NAALADL2: variants seen among roughly 807,000 people sequenced by gnomAD.
NAALADL2 encodes inactive N-acetylated-alpha-linked acidic dipeptidase-like protein 2.
In NAALADL2, 76 loss-of-function variants were observed where a neutral mutation model predicts 87.2. The observed-to-expected ratio is 0.87, with a 90% CI of 0.72 to 1.05. NAALADL2 has a LOEUF of 1.05. NAALADL2 is among the 50% of genes least tolerant of loss of function. The pLI is 0.00. For synonymous variants in NAALADL2, 354 were observed against 331.0 expected (o/e 1.07, Z -0.75); for missense variants, 1,089 against 945.8 (o/e 1.15, Z -1.99).
chr3:174,674,859 T>C (rs1339667739), intron 2 of NAALADL2, among the ~76,000 whole-genome samples: 1 of 152,128 alleles, frequency 6.6e-6, no homozygotes, highest in Non-Finnish European at 1.5e-5. Flanking sequence ...ACTTTATTTT[T>C]AAACCAGTCA....
chr3:174,734,517 CAG>C (rs548251850), intron 2 of NAALADL2, among the ~76,000 whole-genome samples: 1 of 152,174 alleles, frequency 6.6e-6, no homozygotes, highest in Admixed American at 6.5e-5. Context: ...TCTTACATGG[CAG>C]AGAGAGAGTG....
chr3:174,847,384 T>A (rs1724746728), intron 3 of NAALADL2, among the ~76,000 whole-genome samples: 1 of 152,222 alleles, frequency 6.6e-6, no homozygotes, highest in African/African-American at 2.4e-5. Flanking sequence ...TGCCTGGTTC[T>A]AATGCCATAT....
At chr3:175,481,129 C>T (rs1044989399) in intron 9 of NAALADL2, among the ~76,000 whole-genome samples, 2 of 151,680 alleles carry the variant, frequency 1.3e-5, no homozygotes, top group African/African-American at 4.8e-5. Context: ...ATCATTGGTA[C>T]ATAAGTGAAT....
At chr3:175,534,877 C>A (rs544843811) in intron 9 of NAALADL2, among the ~76,000 whole-genome samples, 2 of 151,932 alleles carry the variant, frequency 1.3e-5, no homozygotes, top group South Asian at 2.1e-4. Context: ...GTAGTTCTTG[C>A]CTTTCTTTCT....
rs185142165 is a variant in NAALADL2 at position 175,418,972 on chromosome 3, C to T, written c.1091-28257C>T. ...TTCACATGTATCAGATGTGATAAAC[C>T]TTCCTGTTGAGTGATCATCACTTTT... On this transcript the variant is annotated intron_variant, in intron 5 of 13. Coordinates refer to ENST00000454872, the MANE Select transcript of NAALADL2 (RefSeq NM_207015.3). Among the ~76,000 whole-genome samples, 122 of 151,854 alleles carry T rather than the reference C, an allele frequency of 8.0e-4. No homozygotes were observed. The Middle Eastern group carries it at 0.01, about 13-fold the overall frequency.
chr3:174,609,781 C>A (rs1719601369), intron 2 of NAALADL2, among the ~76,000 whole-genome samples: 1 of 152,098 alleles, frequency 6.6e-6, no homozygotes, highest in South Asian at 2.1e-4. Flanking sequence ...ATTAAGCTAC[C>A]AATGACTTTC....
rs1560225401 is a variant in NAALADL2, at chr3:174,787,582, T to TATATATATATATATAC, written c.-9+49851_-9+49852insCATATATATATATATA. Among the ~76,000 whole-genome samples, 11 of 47,962 alleles carry TATATATATATATATAC rather than the reference T, an allele frequency of 2.3e-4. 1 individual carries two copies. Among genetic ancestry groups the TATATATATATATATAC allele is most frequent in the African/African-American group, 6.0e-4 (8 of 13,246 alleles). 31.5% of individuals were successfully genotyped at this position (47,962 alleles called of 152,430 possible). ...GAAGAAGGCAATATATCATCATATA[T>TATATATATATATATAC]ATATATATATATATATATATATATA... On this transcript the variant is annotated intron_variant, in intron 3 of 3. Transcript: ENST00000434257.
At chr3:174,862,924 T>A (rs1424153551) in intron 1 of NAALADL2, among the ~76,000 whole-genome samples, 1 of 152,060 alleles carries the variant, frequency 6.6e-6, no homozygotes, top group African/African-American at 2.4e-5. Context: ...AGTAGAACTC[T>A]GGGGGAAGAT....
chr3:175,497,685 G>C (rs78604853), intron 9 of NAALADL2, among the ~76,000 whole-genome samples: 4,721 of 151,892 alleles, frequency 0.031, 263 homozygotes, highest in African/African-American at 0.11. Flanking sequence ...GGTGGATTTT[G>C]TGAAAATAGC....
intron 4 of NAALADL2, among the ~76,000 whole-genome samples, chr3:175,275,497 TG>T (rs1174978458): frequency 6.6e-6 from 1 of 152,160 alleles, no homozygotes; most frequent in Non-Finnish European, 1.5e-5. Flanking sequence ...TTGTATCTTA[TG>T]GGGCAACATT....
intron 5 of NAALADL2, among the ~76,000 whole-genome samples, chr3:175,442,753 G>C (rs1720018340): frequency 6.6e-6 from 1 of 152,150 alleles, no homozygotes. Context: ...CATGAACAGA[G>C]AATTAGCTAG....
At chr3:174,634,653 A>G (rs916408556) in intron 2 of NAALADL2, among the ~76,000 whole-genome samples, 2 of 152,168 alleles carry the variant, frequency 1.3e-5, no homozygotes, top group African/African-American at 2.4e-5. Context: ...TGTATATTAT[A>G]TGGTCTGTAG....
chr3:175,801,264 A>G (rs1361388050), intron 13 of NAALADL2, among the ~76,000 whole-genome samples: 3 of 152,130 alleles, frequency 2.0e-5, no homozygotes, highest in Non-Finnish European at 4.4e-5. Context: ...AAAATGAAAT[A>G]TAATCACCTT....
chr3:175,202,380 G>T (rs1167505632), intron 2 of NAALADL2, among the ~76,000 whole-genome samples: 1 of 152,070 alleles, frequency 6.6e-6, no homozygotes, highest in Non-Finnish European at 1.5e-5. Flanking sequence ...TTAAAAACAG[G>T]TCTGATGGTG....
rs373597310 is a variant in NAALADL2, at chr3:175,371,756, G to A, written c.1090+47431G>A. ...GGAGAATCACTTGAACCCAGGAGGCGGAGGTTGCAGTAAGCCAAGATCATG... is the reference window on the plus strand; with the variant it reads ...GGAGAATCACTTGAACCCAGGAGGCAGAGGTTGCAGTAAGCCAAGATCATG... On this transcript the variant is annotated intron_variant, in intron 5 of 13. Transcript: ENST00000454872. 1.5e-4 allele frequency among the ~76,000 whole-genome samples: 23 copies of A among 151,542 alleles called. No homozygotes were observed. The East Asian group carries it at 3.0e-3, about 20-fold the overall frequency.
Position 175,455,876 on chromosome 3 carries a change from TAGA to T in NAALADL2, c.1235-7519_1235-7517del, listed in dbSNP as rs924863889. 3.9e-5 allele frequency among the ~76,000 whole-genome samples: 6 copies of T among 151,998 alleles called. 1 individual carries two copies. The highest frequency in any genetic ancestry group is 2.6e-4 in the Admixed American group (4 of 15,216). The stretch of plus-strand genomic sequence containing the variant: ...AAAGAACAATCTGGAAGTCCAATCC[TAGA>T]AGAAGTTATTTTCTAGAGCCAGGTG... On this transcript the variant is annotated intron_variant, in intron 6 of 13. Transcript: ENST00000454872.
rs572642634 is a variant in NAALADL2 at position 175,619,322 on chromosome 3, A to C, written c.1801-7969A>C. 2.0e-5 allele frequency among the ~76,000 whole-genome samples: 3 copies of C among 152,198 alleles called. No individual in the cohort carries two copies. In the South Asian group the frequency reaches 6.2e-4, roughly 32 times the overall value. ...GGAAGAGAAAGAAAAAGTAAGAAAG[A>C]AAGAAAAGCAAAGCAAAGAAAGAAT... On this transcript the variant is annotated intron_variant, in intron 10 of 13. Transcript: ENST00000454872.
At chr3:175,626,249 A>G (rs1218361896) in intron 10 of NAALADL2, among the ~76,000 whole-genome samples, 1 of 151,922 alleles carries the variant, frequency 6.6e-6, no homozygotes, top group Non-Finnish European at 1.5e-5. Flanking sequence ...TTTCCTGAAG[A>G]CTATGACCCA....
chr3:174,652,150 C>T (rs991309403), intron 2 of NAALADL2, among the ~76,000 whole-genome samples: 1 of 152,178 alleles, frequency 6.6e-6, no homozygotes, highest in Non-Finnish European at 1.5e-5. Context: ...ATCCTCGCAG[C>T]ACTCAGTCAA....
Sources: gnomAD v4.1 joint callset for allele counts (sites outside exome capture counted in the v4.1 genomes callset) on GRCh38, gnomAD v4.1.1 for gene constraint, MANE v1.5 for transcripts, NCBI Gene and HGNC (gene_info 2026-07-23, HGNC 2026-07-21) for gene names.